Variants in ANKS1B observed in about 807,000 individuals in gnomAD.
ANKS1B encodes ankyrin repeat and sterile alpha motif domain containing 1B, also known as ankyrin repeat and sterile alpha motif domain-containing protein 1B.
A neutral mutation model predicts 148.3 loss-of-function variants in ANKS1B; 36 were observed. The ratio of observed to expected loss-of-function variants is 0.24; its 90% CI spans 0.19 to 0.32. ANKS1B has a LOEUF of 0.32. Among genes scored for constraint, ANKS1B ranks in the 10% least tolerant of loss-of-function variants. The probability of loss-of-function intolerance (pLI) is 1.00; values close to 1 mark genes in which losing one functional copy is unlikely to be tolerated. For missense variants in ANKS1B, 1,157 were observed against 1,542.6 expected (o/e 0.75, Z 4.19); for synonymous variants, 542 against 560.8 (o/e 0.97, Z 0.47).
intron 1 of ANKS1B, among the ~76,000 whole-genome samples, chr12:99,917,000 T>G (rs1226739645): frequency 6.6e-6 from 1 of 152,210 alleles, no homozygotes; most frequent in Non-Finnish European, 1.5e-5. Context: ...AACAAACCCA[T>G]ATATAGTTCC....
intron 8 of ANKS1B, among the ~76,000 whole-genome samples, chr12:99,742,837 CAAA>C (rs57232737): frequency 0.39 from 46,861 of 119,442 alleles, 8,350 homozygotes; most frequent in East Asian, 0.62. Flanking sequence ...GACTCTGTCT[CAAA>C]AAAAAAAAAA....
rs968333313 is a variant in ANKS1B at position 98,829,015 on chromosome 12, G to A, written c.3066+159C>T. Among the ~76,000 whole-genome samples the A allele has an allele frequency of 1.3e-5, 2 of 152,094 alleles. No individual in the cohort carries two copies. The highest frequency in any genetic ancestry group is 6.5e-5 in the Admixed American group (1 of 15,280). ...TTCCATTCCCAGACATTTCTGTCTC[G>A]GTCTAGTTCAGATGAGCAAGGAATG... On this transcript the variant is annotated intron_variant, in intron 19 of 26. Transcript: ENST00000683438. The surrounding 1 kb of genome is among the most constrained non-coding windows in gnomAD (Gnocchi z 5.2).
chr12:99,284,846 CA>C (rs1421510088), intron 12 of ANKS1B, among the ~76,000 whole-genome samples: 1 of 152,218 alleles, frequency 6.6e-6, no homozygotes, highest in East Asian at 1.9e-4. Context: ...CATATTGAGT[CA>C]TTCTCTCCTT....
intron 17 of ANKS1B, among the ~76,000 whole-genome samples, chr12:99,019,542 C>T (rs1361536452): frequency 6.6e-6 from 1 of 152,144 alleles, no homozygotes; most frequent in African/African-American, 2.4e-5. Context: ...TTATCCTACA[C>T]TTAAATATAA....
intron 1 of ANKS1B, among the ~76,000 whole-genome samples, chr12:99,918,441 A>G (rs1278374125): frequency 6.6e-6 from 1 of 152,234 alleles, no homozygotes; most frequent in African/African-American, 2.4e-5. Context: ...TGCCTGATTT[A>G]AAAGAGAATC....
At chr12:99,797,881 T>C (rs1367460048) in intron 4 of ANKS1B, among the ~76,000 whole-genome samples, 1 of 152,018 alleles carries the variant, frequency 6.6e-6, no homozygotes, top group Non-Finnish European at 1.5e-5. Context: ...ATGACGTTCA[T>C]GTTTACAGCC....
rs1248344507 is a variant in ANKS1B at position 99,652,040 on chromosome 12, CAT to C, written c.1272+3025_1272+3026del. On this transcript the variant is annotated intron_variant, in intron 9 of 26. Transcript: ENST00000683438. ...TGCAATGAAAATGTATATATATAAA[CAT>C]GTTATATATACATAAAACATGTTTA... is the stretch of plus-strand genomic sequence containing the variant. Among the ~76,000 whole-genome samples the C allele has an allele frequency of 3.4e-5, 5 of 149,008 alleles. No individual in the cohort carries two copies. In the East Asian group the frequency reaches 9.8e-4, roughly 29 times the overall value.
At chr12:99,413,603 A>G (rs1159247158) in intron 11 of ANKS1B, among the ~76,000 whole-genome samples, 1 of 152,212 alleles carries the variant, frequency 6.6e-6, no homozygotes, top group African/African-American at 2.4e-5. Flanking sequence ...AAACTCTTAC[A>G]GTCACTACAT....
chr12:99,374,065 C>T (rs909333054), intron 12 of ANKS1B, among the ~76,000 whole-genome samples: 4 of 152,096 alleles, frequency 2.6e-5, no homozygotes, highest in Non-Finnish European at 4.4e-5. Context: ...TCTCAGTAAC[C>T]CTGATCTAGC....
chr12:99,555,203 C>T (rs2097263330), intron 9 of ANKS1B, among the ~76,000 whole-genome samples: 1 of 152,030 alleles, frequency 6.6e-6, no homozygotes, highest in South Asian at 2.1e-4. Flanking sequence ...GAAATGGTAG[C>T]TCCATTTTAA....
chr12:98,925,408 T>A (rs2099806749), intron 17 of ANKS1B, among the ~76,000 whole-genome samples: 1 of 152,184 alleles, frequency 6.6e-6, no homozygotes, highest in Non-Finnish European at 1.5e-5. Flanking sequence ...CTACACTGAT[T>A]CCCTAGGTGA....
At chr12:99,365,573 G>A (rs944415519) in intron 12 of ANKS1B, among the ~76,000 whole-genome samples, 2 of 152,124 alleles carry the variant, frequency 1.3e-5, no homozygotes, top group South Asian at 2.1e-4. Context: ...AGGAACCCGG[G>A]CCCATATGGA....
intron 12 of ANKS1B, among the ~76,000 whole-genome samples, chr12:99,292,275 G>A (rs1038617922): frequency 7.9e-5 from 12 of 151,720 alleles, no homozygotes; most frequent in East Asian, 1.9e-4. Context: ...GGCAGATCAC[G>A]AGGTCAAGAG....
At chr12:98,955,455 A>T (rs1243452832) in intron 17 of ANKS1B, among the ~76,000 whole-genome samples, 1 of 152,062 alleles carries the variant, frequency 6.6e-6, no homozygotes, top group Non-Finnish European at 1.5e-5. Context: ...TCTCAATAGG[A>T]TCTCTCTGGC....
intron 8 of ANKS1B, among the ~76,000 whole-genome samples, chr12:99,736,193 A>G (rs1388414555): frequency 6.6e-6 from 1 of 152,106 alleles, no homozygotes; most frequent in African/African-American, 2.4e-5. Context: ...AACTAGAACA[A>G]GACAAAGATT....
chr12:99,837,580 C>T (rs927414272), intron 1 of ANKS1B, among the ~76,000 whole-genome samples: 5 of 152,022 alleles, frequency 3.3e-5, no homozygotes, highest in Admixed American at 6.6e-5. Flanking sequence ...CCATGTGAGA[C>T]GGGGGCTTTT....
chr12:99,463,654 G>A (rs538873635), intron 10 of ANKS1B, among the ~76,000 whole-genome samples: 11 of 152,314 alleles, frequency 7.2e-5, no homozygotes, highest in South Asian at 2.1e-4. Flanking sequence ...TGCATGGCTC[G>A]GAGGGTCCTA....
chr12:99,612,629 T>C (rs373863011), intron 9 of ANKS1B, among the ~76,000 whole-genome samples: 1 of 152,236 alleles, frequency 6.6e-6, no homozygotes, highest in East Asian at 1.9e-4. Flanking sequence ...TTCATTATGC[T>C]TATTTAACTT....
chr12:98,873,511 T>A (rs934001200), intron 17 of ANKS1B, among the ~76,000 whole-genome samples: 1 of 152,194 alleles, frequency 6.6e-6, no homozygotes, highest in Non-Finnish European at 1.5e-5. Context: ...AAAGTGTCTA[T>A]TGATGAATTT....
Sources: allele counts gnomAD v4.1 joint callset (sites outside exome capture counted in the v4.1 genomes callset), GRCh38; gene constraint gnomAD v4.1.1; non-coding constraint Gnocchi (gnomAD v3.1); transcripts MANE v1.5; gene names NCBI Gene and HGNC (gene_info 2026-07-23, HGNC 2026-07-21).